The following ZNF407 variants were observed in gnomAD, a reference collection of about 807,000 sequenced individuals.
ZNF407 encodes the protein zinc finger protein 407.
ZNF407 carries 17 observed loss-of-function variants against 131.2 expected under a neutral mutation model. The observed-to-expected ratio is 0.13, with a 90% confidence interval of 0.09 to 0.19. The LOEUF (loss-of-function observed/expected upper bound fraction) is 0.19, where lower values mean the gene tolerates loss of function less well. Ranked by LOEUF, ZNF407 falls within the 10% of genes least tolerant of loss-of-function variation. ZNF407 has a pLI of 1.00. For missense variants in ZNF407, 2,681 were observed against 2,830.6 expected, an observed-to-expected ratio of 0.95 and a Z score of 1.20; for synonymous variants, 1,156 against 1,062.0, an observed-to-expected ratio of 1.09 and a Z score of -1.72.
At chr18:74,844,788 G>A (rs1282729261) in intron 4 of ZNF407, among the ~76,000 whole-genome samples, 1 of 152,104 alleles carries the variant, frequency 6.6e-6, no homozygotes, top group East Asian at 1.9e-4. Context: ...GGAATCTGAT[G>A]GGGCCCAGAG....
At position 75,063,647 on chromosome 18, in the gene ZNF407, T is replaced by C. The variant is rs767259127; in HGVS notation, c.5926T>C (p.Ser1976Pro). 1.2e-6 allele frequency: 2 copies of C among 1,600,646 alleles called. No homozygotes were observed. The highest frequency in any genetic ancestry group is 1.7e-6 in the Non-Finnish European group (2 of 1,174,660). Residue 1976 changes from serine (S) to proline (P), a missense_variant, in exon 9 of 9, where the codon TCG becomes CCG. Ser to Pro is a moderately conservative substitution (Grantham distance 74, BLOSUM62 -1). Around this residue, in one of 6 missense-constraint regions of ZNF407, gnomAD observed 620 missense variants for 583.1 expected, o/e 1.06. Coordinates refer to ENST00000299687, the MANE Select transcript of ZNF407 (RefSeq NM_017757.3). The surrounding 1 kb of genome is among the most constrained non-coding windows in gnomAD (Gnocchi z 6.6). ...QVTKQEILNL[S>P]EAGVAPPEAS... Reference sequence around the variant, plus strand: ...GACCAAGCAGGAGATTTTAAACCTCTCGGAGGCTGGAGTCGCTCCCCCCGA... The same window carrying C: ...GACCAAGCAGGAGATTTTAAACCTCCCGGAGGCTGGAGTCGCTCCCCCCGA...
At chr18:74,750,239 G>A (rs1404655036) in intron 3 of ZNF407, among the ~76,000 whole-genome samples, 1 of 151,958 alleles carries the variant, frequency 6.6e-6, no homozygotes, top group East Asian at 1.9e-4. Flanking sequence ...ATCATCTTGT[G>A]GTATTTTTTG....
intron 3 of ZNF407, among the ~76,000 whole-genome samples, chr18:74,671,936 C>T (rs1365961106): frequency 6.6e-6 from 1 of 151,738 alleles, no homozygotes; most frequent in Non-Finnish European, 1.5e-5. Flanking sequence ...TGTAGATGTA[C>T]ACGTTTTCTT....
chr18:74,739,641 G>A (rs1047813825), intron 3 of ZNF407, among the ~76,000 whole-genome samples: 1 of 151,720 alleles, frequency 6.6e-6, no homozygotes, highest in African/African-American at 2.4e-5. Flanking sequence ...ATAAGCAAAC[G>A]TATAACCTTA....
intron 4 of ZNF407, among the ~76,000 whole-genome samples, chr18:74,848,858 T>C (rs1281253434): frequency 2.6e-5 from 4 of 152,146 alleles, no homozygotes; most frequent in African/African-American, 9.7e-5. Context: ...CTGGGACAAG[T>C]TTCTAAACCA....
At chr18:75,030,497 T>G (rs540561679) in intron 8 of ZNF407, among the ~76,000 whole-genome samples, 16 of 152,202 alleles carry the variant, frequency 1.1e-4, no homozygotes, top group Non-Finnish European at 2.1e-4. Context: ...CATGCCACAT[T>G]TCTCAAATTT....
At chr18:74,759,067 G>A (rs1882290845) in intron 3 of ZNF407, among the ~76,000 whole-genome samples, 2 of 152,056 alleles carry the variant, frequency 1.3e-5, no homozygotes, top group African/African-American at 2.4e-5. Flanking sequence ...GTATCTGGGT[G>A]TGTCTTCATA....
At chr18:74,845,727 G>T (rs1970693687) in intron 4 of ZNF407, among the ~76,000 whole-genome samples, 1 of 152,214 alleles carries the variant, frequency 6.6e-6, no homozygotes, top group South Asian at 2.1e-4. Flanking sequence ...TGTACAGCAT[G>T]AGCTAATTCT....
rs79599254 is a variant in ZNF407 at position 74,713,220 on chromosome 18, G to A, written c.4803-68208G>A. Reference sequence around the variant, plus strand: ...AGGAAAGGAACACACCAGGGGTTTGGAATAAAGGAACTCCAAGACTCCTCC... The same window carrying A: ...AGGAAAGGAACACACCAGGGGTTTGAAATAAAGGAACTCCAAGACTCCTCC... On this transcript the variant is annotated intron_variant, in intron 3 of 8. Transcript: ENST00000299687. 1.1e-4 allele frequency among the ~76,000 whole-genome samples: 17 copies of A among 152,124 alleles called. No individual in the cohort carries two copies. In the East Asian group the frequency reaches 2.9e-3, roughly 26 times the overall value.
At chr18:74,828,057 C>T (rs1198525649) in intron 4 of ZNF407, among the ~76,000 whole-genome samples, 2 of 152,212 alleles carry the variant, frequency 1.3e-5, no homozygotes, top group East Asian at 3.9e-4. Context: ...TGGGCCTCCG[C>T]TGCTTCCGCA....
At chr18:74,797,026 C>G (rs1181008059) in intron 4 of ZNF407, among the ~76,000 whole-genome samples, 1 of 152,148 alleles carries the variant, frequency 6.6e-6, no homozygotes, top group Non-Finnish European at 1.5e-5. Context: ...GGAATGGTAA[C>G]TGGGGACGAG....
At chr18:74,649,932 T>C (rs1186067999) in intron 3 of ZNF407, among the ~76,000 whole-genome samples, 1 of 152,196 alleles carries the variant, frequency 6.6e-6, no homozygotes, top group Non-Finnish European at 1.5e-5. Flanking sequence ...CAGTGGTGAA[T>C]CTATTATAAT....
intron 3 of ZNF407, among the ~76,000 whole-genome samples, chr18:74,742,681 G>C (rs932457178): frequency 6.6e-6 from 1 of 152,088 alleles, no homozygotes; most frequent in African/African-American, 2.4e-5. Context: ...TTGCTTACTT[G>C]TAGAATGTAG....
Position 74,806,201 on chromosome 18 carries a change from C to T in ZNF407, c.4877+24699C>T, listed in dbSNP as rs542691484. ...AGGGCCTGCTGTGACTGCAGGCCCA[C>T]ACCTTGGCTAGGCCGCGCCCCTTAC... On this transcript the variant is annotated intron_variant, in intron 4 of 8. Coordinates refer to ENST00000299687, the MANE Select transcript of ZNF407 (RefSeq NM_017757.3). Among the ~76,000 whole-genome samples the T allele has an allele frequency of 3.3e-4, 50 of 152,342 alleles. 1 individual carries two copies. The highest frequency in any genetic ancestry group is 1.1e-3 in the African/African-American group (47 of 41,580).
chr18:74,710,414 C>G (rs1031678707), intron 3 of ZNF407, among the ~76,000 whole-genome samples: 28 of 152,124 alleles, frequency 1.8e-4, no homozygotes, highest in African/African-American at 6.8e-4. Flanking sequence ...TGCACATGTT[C>G]TTCCTGTGCT....
intron 3 of ZNF407, 106 bp from the exon 4 acceptor site, chr18:74,781,322 T>C (rs970271372): frequency 1.2e-6 from 1 of 815,350 alleles, no homozygotes; most frequent in Non-Finnish European, 1.9e-6. Flanking sequence ...GTAATACGCT[T>C]TTTATGTTAT....
chr18:75,019,381 G>T (rs566720483), intron 8 of ZNF407, among the ~76,000 whole-genome samples: 1 of 152,156 alleles, frequency 6.6e-6, no homozygotes, highest in African/African-American at 2.4e-5. Context: ...GAAAGTGTGC[G>T]CAGTGGTCCT....
intron 1 of ZNF407, among the ~76,000 whole-genome samples, chr18:74,603,066 C>T (rs111801742): frequency 2.0e-5 from 3 of 152,176 alleles, no homozygotes; most frequent in Non-Finnish European, 4.4e-5. Context: ...GGCCAAACTG[C>T]GAAGGGTCTT....
At chr18:74,637,533 C>G (rs772572465) in intron 2 of ZNF407, among the ~76,000 whole-genome samples, 5 of 150,802 alleles carry the variant, frequency 3.3e-5, no homozygotes, top group Non-Finnish European at 7.4e-5. Flanking sequence ...TTGGTCTTAT[C>G]AGGAAGTACA....
Sources: gnomAD v4.1 joint callset for allele counts (sites outside exome capture counted in the v4.1 genomes callset) on GRCh38, gnomAD v4.1.1 for gene constraint, gnomAD v4.1.1 regional missense constraint, Gnocchi (gnomAD v3.1) non-coding constraint, MANE v1.5 for transcripts, NCBI Gene and HGNC (gene_info 2026-07-23, HGNC 2026-07-21) for gene names.